The following UROS variants were observed in gnomAD, a reference collection of about 807,000 sequenced individuals.
UROS encodes the protein uroporphyrinogen III synthase, also known as uroporphyrinogen-III synthase.
Under a neutral mutation model 33.0 loss-of-function variants are expected in UROS, and 18 were observed. The ratio of observed to expected loss-of-function variants is 0.55; its 90% CI spans 0.38 to 0.81. The LOEUF is 0.81. Ranked by LOEUF, UROS falls within the 30% of genes least tolerant of loss-of-function variation. UROS has a pLI of 0.00. For missense variants in UROS, 293 were observed against 314.9 expected, an observed-to-expected ratio of 0.93 and a Z score of 0.53; for synonymous variants, 114 against 121.1, an observed-to-expected ratio of 0.94 and a Z score of 0.38.
intron 5 of UROS, 35 bp from the exon 6 acceptor site, chr10:125,807,522 G>A (rs745800061): frequency 1.6e-5 from 25 of 1,522,110 alleles, no homozygotes; most frequent in East Asian, 4.5e-5. Flanking sequence ...TTCTTAACAC[G>A]GTTATTGAAG....
intron 6 of UROS, among the ~76,000 whole-genome samples, chr10:125,806,633 T>G (rs957178678): frequency 6.6e-6 from 1 of 152,204 alleles, no homozygotes; most frequent in South Asian, 2.1e-4. Context: ...GCTCATGATC[T>G]CTAGGAAAGC....
At position 125,788,652 on chromosome 10, in the gene UROS, G is replaced by A; in HGVS notation, c.*216C>T. On this transcript the variant is annotated 3_prime_UTR_variant, in exon 10 of 10. Transcript: ENST00000368797. ...GGCACAGGAAGCTCTCACAGGGCTA[G>A]GGTTTAAGCTGGCTTCCACAGAGGG... The A allele has an allele frequency of 7.0e-7, 1 of 1,423,812 alleles. No individual in the cohort carries two copies. Among genetic ancestry groups the A allele is most frequent in the South Asian group, 1.6e-5 (1 of 64,486 alleles). 88.2% of individuals were successfully genotyped at this position (1,423,812 alleles called of 1,614,324 possible).
chr10:125,817,224 ATTTTTTTTTTT>A (rs11431196), intron 1 of UROS, among the ~76,000 whole-genome samples: 84 of 74,082 alleles, frequency 1.1e-3, no homozygotes, highest in African/African-American at 3.4e-3. Flanking sequence ...TTATAGATGT[ATTTTTTTTTTT>A]TTTTTTTTTT....
chr10:125,788,793 C>A lies in UROS; in HGVS notation c.*75G>T. 1 of 1,516,162 alleles carries A rather than the reference C, an allele frequency of 6.6e-7. No individual in the cohort carries two copies. Among genetic ancestry groups the A allele is most frequent in the Non-Finnish European group, 8.9e-7 (1 of 1,128,892 alleles). 93.9% of individuals were successfully genotyped at this position (1,516,162 alleles called of 1,614,324 possible). ...CTGACGGCAGCAGCTCCCGAGAGCC[C>A]TTGCCGATGCCTGGCTCCATCCAGA... is the stretch of plus-strand genomic sequence containing the variant. On this transcript the variant is annotated 3_prime_UTR_variant, in exon 10 of 10. Coordinates refer to ENST00000368797, the MANE Select transcript of UROS (RefSeq NM_000375.3).
chr10:125,811,677 T>C (rs1340683593), intron 5 of UROS, among the ~76,000 whole-genome samples: 2 of 152,222 alleles, frequency 1.3e-5, no homozygotes, highest in Non-Finnish European at 1.5e-5. Flanking sequence ...TTTATGACAA[T>C]TGCTAAGCAT....
chr10:125,788,654 G>A lies in UROS; in HGVS notation c.*214C>T, dbSNP rs1850704082. 4 of 1,426,262 alleles carry A rather than the reference G, an allele frequency of 2.8e-6. No individual in the cohort carries two copies. Among genetic ancestry groups the A allele is most frequent in the African/African-American group, 2.9e-5 (2 of 69,568 alleles). 88.4% of individuals were successfully genotyped at this position (1,426,262 alleles called of 1,614,324 possible). A position where few individuals can be genotyped will look rare whatever the true frequency, so the allele number is the denominator to read the frequency against. ...CACAGGAAGCTCTCACAGGGCTAGG[G>A]TTTAAGCTGGCTTCCACAGAGGGCA... On this transcript the variant is annotated 3_prime_UTR_variant, in exon 10 of 10. Coordinates refer to ENST00000368797, the MANE Select transcript of UROS (RefSeq NM_000375.3).
At chr10:125,790,392 G>T (rs1435504778) in intron 9 of UROS, among the ~76,000 whole-genome samples, 3 of 152,020 alleles carry the variant, frequency 2.0e-5, no homozygotes, top group Non-Finnish European at 4.4e-5. Context: ...TGGTTTCTTG[G>T]ATACAACACC....
chr10:125,790,433 T>A (rs564685766), intron 9 of UROS, among the ~76,000 whole-genome samples: 16 of 152,178 alleles, frequency 1.1e-4, no homozygotes, highest in Admixed American at 9.8e-4. Context: ...AAAAAAACAA[T>A]AAATTGAACT....
chr10:125,786,818 T>C (rs1850645569), downstream of UROS, among the ~76,000 whole-genome samples: 1 of 152,180 alleles, frequency 6.6e-6, no homozygotes, highest in Non-Finnish European at 1.5e-5. Context: ...AGCTGAGTAA[T>C]TACAGATCTT....
At chr10:125,808,440 T>C (rs552675452) in intron 5 of UROS, among the ~76,000 whole-genome samples, 20 of 152,328 alleles carry the variant, frequency 1.3e-4, no homozygotes, top group Non-Finnish European at 2.6e-4. Context: ...TATGCTACAG[T>C]GGCAACCGAG....
intron 6 of UROS, among the ~76,000 whole-genome samples, chr10:125,801,773 A>G (rs1171733665): frequency 6.6e-6 from 1 of 152,254 alleles, no homozygotes; most frequent in Non-Finnish European, 1.5e-5. Context: ...TATCCAACCA[A>G]GCCTTGAGTC....
intron 9 of UROS, among the ~76,000 whole-genome samples, chr10:125,790,720 T>C (rs552611701): frequency 6.8e-6 from 1 of 147,106 alleles, no homozygotes; most frequent in African/African-American, 2.5e-5. Flanking sequence ...GAGGCGGAGG[T>C]TGCAGTGAGC....
At chr10:125,795,015 G>A (rs765032092) in intron 8 of UROS, 37 bp from the exon 9 acceptor site, 3 of 1,549,188 alleles carry the variant, frequency 1.9e-6, no homozygotes, top group East Asian at 4.5e-5. Flanking sequence ...TCCTTGCCAT[G>A]AGACTGAGGA....
chr10:125,796,785 C>T, intron 7 of UROS: 2 of 985,388 alleles, frequency 2.0e-6, no homozygotes, highest in Non-Finnish European at 2.4e-6. Context: ...ACTGAAGGGA[C>T]TCACGCAATT....
chr10:125,805,197 C>T (rs1852218374), intron 6 of UROS, among the ~76,000 whole-genome samples: 1 of 152,234 alleles, frequency 6.6e-6, no homozygotes, highest in Admixed American at 6.5e-5. Context: ...CCAGAAAAGG[C>T]CCGTGTAGTT....
Position 125,788,588 on chromosome 10 carries a change from C to T in UROS, c.*280G>A. On this transcript the variant is annotated 3_prime_UTR_variant, in exon 10 of 10. Coordinates refer to ENST00000368797, the MANE Select transcript of UROS (RefSeq NM_000375.3). ...ACAGCAACCATACACTCAGTAAGCA[C>T]AGGTAGTCAGTGTGGTTTATTTGAC... is the stretch of plus-strand genomic sequence containing the variant. 1 of 1,379,458 alleles carries T rather than the reference C, an allele frequency of 7.2e-7. No individual in the cohort carries two copies. Among genetic ancestry groups the T allele is most frequent in the Non-Finnish European group, 9.4e-7 (1 of 1,066,774 alleles). 85.5% of individuals were successfully genotyped at this position (1,379,458 alleles called of 1,614,324 possible).
intron 7 of UROS, among the ~76,000 whole-genome samples, chr10:125,797,054 G>A (rs1246340476): frequency 3.3e-5 from 5 of 152,132 alleles, no homozygotes; most frequent in South Asian, 2.1e-4. Context: ...TCTTGTTCCC[G>A]AAAAGCTAAT....
chr10:125,804,744 CA>C (rs1852168699), intron 6 of UROS, among the ~76,000 whole-genome samples: 1 of 152,232 alleles, frequency 6.6e-6, no homozygotes, highest in Non-Finnish European at 1.5e-5. Flanking sequence ...GAGTGTTTTA[CA>C]GGTAGAAACA....
chr10:125,802,410 A>C, intron 6 of UROS: 1 of 985,784 alleles, frequency 1.0e-6, no homozygotes, highest in Non-Finnish European at 1.2e-6. Context: ...AAAGAAAATG[A>C]CCCCCAGCAA....
Sources: gnomAD v4.1 joint callset for allele counts (sites outside exome capture counted in the v4.1 genomes callset) on GRCh38, gnomAD v4.1.1 for gene constraint, MANE v1.5 for transcripts, NCBI Gene and HGNC (gene_info 2026-07-23, HGNC 2026-07-21) for gene names.